Variants in TERF2 observed in about 807,000 individuals in gnomAD.
TERF2 encodes telomeric repeat binding factor 2, also known as telomeric repeat-binding factor 2.
TERF2 carries 16 observed loss-of-function variants against 56.1 expected under a neutral mutation model. The ratio of observed to expected loss-of-function variants is 0.29; its 90% confidence interval spans 0.19 to 0.43. TERF2 has a LOEUF of 0.43. TERF2 is among the 20% of genes least tolerant of loss of function. The probability of loss-of-function intolerance (pLI) is 1.00; values close to 1 mark genes in which losing one functional copy is unlikely to be tolerated. For synonymous variants in TERF2, 296 were observed against 282.1 expected (o/e 1.05, Z -0.50); for missense variants, 547 against 712.9 (o/e 0.77, Z 2.65).
intron 3 of TERF2, among the ~76,000 whole-genome samples, chr16:69,372,810 G>A (rs1268912629): frequency 1.3e-5 from 2 of 152,060 alleles, no homozygotes; most frequent in Non-Finnish European, 2.9e-5. Context: ...TGAACCACTG[G>A]AAGCTGTCTC....
chr16:69,375,772 T>C (rs571262606), intron 3 of TERF2, among the ~76,000 whole-genome samples: 2 of 152,328 alleles, frequency 1.3e-5, no homozygotes, highest in African/African-American at 4.8e-5. Context: ...TAAAGTTTGG[T>C]CCATTCTAAT....
intron 3 of TERF2, among the ~76,000 whole-genome samples, chr16:69,378,401 T>C (rs994241184): frequency 1.3e-5 from 2 of 152,198 alleles, no homozygotes; most frequent in Non-Finnish European, 2.9e-5. Context: ...GCCACCGTCA[T>C]TGCTAGGCAG....
At chr16:69,377,202 CAAA>C (rs556264748) in intron 3 of TERF2, among the ~76,000 whole-genome samples, 2 of 95,298 alleles carry the variant, frequency 2.1e-5, no homozygotes, top group Non-Finnish European at 2.2e-5. Flanking sequence ...GACTCCATCT[CAAA>C]AAAAAAAAAA....
chr16:69,360,166 C>T (rs1440194152), intron 8 of TERF2, among the ~76,000 whole-genome samples: 1 of 151,966 alleles, frequency 6.6e-6, no homozygotes, highest in African/African-American at 2.4e-5. Flanking sequence ...GCGAGCAGAT[C>T]ACTTGAGGTC....
At position 69,356,684 on chromosome 16, in the gene TERF2, C is replaced by G. The variant is rs1299545069; in HGVS notation, c.*214G>C. On this transcript the variant is annotated 3_prime_UTR_variant, in exon 10 of 10. Coordinates refer to ENST00000254942, the MANE Select transcript of TERF2 (RefSeq NM_005652.5). ...GCGTGATGGCGGGCGCCTGTAGTCC[C>G]AGCTACTCGGGAGGCTGAGGCAGGA... is the stretch of plus-strand genomic sequence containing the variant. 2.2e-6 allele frequency: 1 copy of G among 460,804 alleles called. No homozygotes were observed. Among genetic ancestry groups the G allele is most frequent in the Non-Finnish European group, 3.8e-6 (1 of 266,106 alleles). The allele number at this position is 460,804 out of a possible 1,614,324, so 28.5% of individuals were successfully genotyped here. A position where few individuals can be genotyped will look rare whatever the true frequency, so the allele number is the denominator to read the frequency against.
At chr16:69,383,014 T>C (rs992785882) in intron 3 of TERF2, among the ~76,000 whole-genome samples, 1 of 152,154 alleles carries the variant, frequency 6.6e-6, no homozygotes, top group African/African-American at 2.4e-5. Flanking sequence ...ATTTTTCTAA[T>C]AGATTTTTCC....
intron 3 of TERF2, among the ~76,000 whole-genome samples, chr16:69,378,662 G>T (rs1447733627): frequency 6.6e-6 from 1 of 152,138 alleles, no homozygotes; most frequent in South Asian, 2.1e-4. Context: ...TTCATCACTG[G>T]TTTGGTGGAA....
chr16:69,379,065 C>T (rs932090715), intron 3 of TERF2, among the ~76,000 whole-genome samples: 3 of 151,972 alleles, frequency 2.0e-5, no homozygotes, highest in Non-Finnish European at 4.4e-5. Flanking sequence ...TAAGCAATAT[C>T]AATGGTCTCT....
At chr16:69,375,675 T>C (rs1286806941) in intron 3 of TERF2, among the ~76,000 whole-genome samples, 2 of 152,196 alleles carry the variant, frequency 1.3e-5, no homozygotes, top group African/African-American at 4.8e-5. Context: ...GAACTCAAAC[T>C]CTTGGCCTCA....
chr16:69,366,697 C>G (rs374328864), intron 7 of TERF2, 110 bp downstream of exon 7: 6 of 1,381,994 alleles, frequency 4.3e-6, no homozygotes, highest in Non-Finnish European at 2.9e-6. Flanking sequence ...TCTGAGCAAG[C>G]CTTGGTGGTG....
chr16:69,381,346 T>A (rs1208779148), intron 3 of TERF2, among the ~76,000 whole-genome samples: 1 of 152,214 alleles, frequency 6.6e-6, no homozygotes, highest in African/African-American at 2.4e-5. Context: ...TTGTCAGTTG[T>A]TCTTCAGGTA....
intron 8 of TERF2, among the ~76,000 whole-genome samples, chr16:69,360,150 G>T (rs2013078668): frequency 6.6e-6 from 1 of 152,058 alleles, no homozygotes; most frequent in Admixed American, 6.5e-5. Context: ...ACTTTGGGAG[G>T]CTGAGGCGAG....
intron 7 of TERF2, among the ~76,000 whole-genome samples, chr16:69,362,175 G>A (rs776460399): frequency 6.6e-6 from 1 of 151,776 alleles, no homozygotes; most frequent in Non-Finnish European, 1.5e-5. Context: ...CAGCCACACT[G>A]TTCTGCTCTT....
intron 7 of TERF2, among the ~76,000 whole-genome samples, chr16:69,363,327 C>T (rs933462057): frequency 2.0e-5 from 3 of 152,196 alleles, no homozygotes; most frequent in Non-Finnish European, 4.4e-5. Flanking sequence ...TCACAGGTCA[C>T]CTTCTCCCTG....
Position 69,367,162 on chromosome 16 carries a change from T to A in TERF2, c.985A>T (p.Thr329Ser). 1 of 1,613,818 alleles carries A rather than the reference T, an allele frequency of 6.2e-7. No homozygotes were observed. The highest frequency in any genetic ancestry group is 2.2e-5 in the East Asian group (1 of 44,866). ...RNPPTTIGMM[T>S]LKAAFKTLSG... is the part of the protein sequence containing the mutation. The stretch of plus-strand genomic sequence containing the variant: ...AGAGTCTTGAAAGCTGCTTTCAGAG[T>A]CATCATTCCAATGGTGGTTGGAGGA... The change falls in exon 7 of 10, where the codon ACT (threonine) becomes TCT (serine). Residue 329 changes from threonine (T) to serine (S), a missense_variant. By Grantham distance (58) the Thr-to-Ser change is moderately conservative. Around this residue, in one of 6 missense-constraint regions of TERF2, gnomAD observed 211 missense variants for 236.8 expected, o/e 0.89. Coordinates refer to ENST00000254942, the MANE Select transcript of TERF2 (RefSeq NM_005652.5).
Position 69,356,656 on chromosome 16 carries a change from C to T in TERF2, c.*242G>A, listed in dbSNP as rs145098731. 2.4e-3 allele frequency: 891 copies of T among 374,250 alleles called. 16 individuals carry two copies. The highest frequency in any genetic ancestry group is 0.016 in the African/African-American group (746 of 47,750). The allele number at this position is 374,250 out of a possible 1,614,324, so 23.2% of individuals were successfully genotyped here. A position where few individuals can be genotyped will look rare whatever the true frequency, so the allele number is the denominator to read the frequency against. On this transcript the variant is annotated 3_prime_UTR_variant, in exon 10 of 10. Coordinates refer to ENST00000254942, the MANE Select transcript of TERF2 (RefSeq NM_005652.5). The stretch of plus-strand genomic sequence containing the variant: ...TCTACTAAAAATACAAAACATTAGC[C>T]GGGCGTGATGGCGGGCGCCTGTAGT...
chr16:69,360,966 C>G (rs905493673), intron 8 of TERF2, among the ~76,000 whole-genome samples: 1 of 152,086 alleles, frequency 6.6e-6, no homozygotes, highest in Non-Finnish European at 1.5e-5. Flanking sequence ...GGCACAGTGA[C>G]TCACATCTGT....
intron 4 of TERF2, among the ~76,000 whole-genome samples, chr16:69,371,316 T>C (rs2013565479): frequency 6.6e-6 from 1 of 150,906 alleles, no homozygotes; most frequent in African/African-American, 2.4e-5. Context: ...CTGGCCAACA[T>C]GTTAAAACCC....
At chr16:69,357,600 C>T (rs2012952980) in intron 8 of TERF2, 39 bp from the exon 9 acceptor site, 6 of 1,609,486 alleles carry the variant, frequency 3.7e-6, no homozygotes, top group Non-Finnish European at 5.1e-6. Flanking sequence ...CAGAGTTCAC[C>T]TTTCTCTGCA....
Sources: gnomAD v4.1 joint callset for allele counts (sites outside exome capture counted in the v4.1 genomes callset) on GRCh38, gnomAD v4.1.1 for gene constraint, gnomAD v4.1.1 regional missense constraint, MANE v1.5 for transcripts, NCBI Gene and HGNC (gene_info 2026-07-23, HGNC 2026-07-21) for gene names.